Variants in NAV1 observed in about 807,000 individuals in gnomAD.
NAV1 encodes neuron navigator 1, also known as pore membrane and/or filament interacting like protein 3.
In NAV1, 18 loss-of-function variants were observed where a neutral mutation model predicts 175.2. That is an observed-to-expected ratio of 0.10 (90% CI 0.07 to 0.15). NAV1 has a LOEUF of 0.15. Ranked by LOEUF, NAV1 falls within the 10% of genes least tolerant of loss-of-function variation. The pLI, the probability that NAV1 is intolerant of heterozygous loss-of-function variation, is 1.00. For synonymous variants in NAV1, 897 were observed against 978.7 expected, an observed-to-expected ratio of 0.92 and a Z score of 1.56; for missense variants, 1,731 against 2,436.6, an observed-to-expected ratio of 0.71 and a Z score of 6.10.
chr1:201,698,558 C>T (rs1671283730), intron 1 of NAV1, among the ~76,000 whole-genome samples: 1 of 152,226 alleles, frequency 6.6e-6, no homozygotes. Context: ...ACGTGGGATT[C>T]ACATCCTACA....
At chr1:201,814,758 AGCCGGGTGCGGTG>A (rs1558196304) in intron 28 of NAV1, among the ~76,000 whole-genome samples, 2 of 152,012 alleles carry the variant, frequency 1.3e-5, no homozygotes, top group Non-Finnish European at 2.9e-5. Context: ...ACAAAAAAAA[AGCCGGGTGCGGTG>A]GCTCACGCCT....
At chr1:201,664,911 C>T (rs900102236) in intron 1 of NAV1, among the ~76,000 whole-genome samples, 2 of 152,166 alleles carry the variant, frequency 1.3e-5, no homozygotes, top group Non-Finnish European at 2.9e-5. Context: ...CTTTCTGTGT[C>T]CTTGGGCCCA....
At chr1:201,678,790 CTCTG>C (rs1186254168) in intron 1 of NAV1, among the ~76,000 whole-genome samples, 3 of 152,194 alleles carry the variant, frequency 2.0e-5, no homozygotes, top group African/African-American at 7.2e-5. Context: ...ACACACCTCC[CTCTG>C]TCTGTCCCCC....
rs114869088 is a variant in NAV1, at chr1:201,698,060, C to T, written c.758-14757C>T. 5.1e-3 allele frequency among the ~76,000 whole-genome samples: 782 copies of T among 152,346 alleles called. 9 individuals carry two copies. The highest frequency in any genetic ancestry group is 0.017 in the African/African-American group (717 of 41,588). ...GGATTTGACAAAGACTCTCTAGCTC[C>T]GTGTCCTGTGGCCTCTCGTCGTCTG... On this transcript the variant is annotated intron_variant, in intron 1 of 29. Coordinates refer to ENST00000367296, the Ensembl canonical transcript of NAV1.
chr1:201,771,284 G>A (rs1675567220), intron 3 of NAV1, among the ~76,000 whole-genome samples: 2 of 149,718 alleles, frequency 1.3e-5, no homozygotes, highest in African/African-American at 5.0e-5. Flanking sequence ...GCTGAAGCAG[G>A]CAGGTCACCT....
intron 1 of NAV1, among the ~76,000 whole-genome samples, chr1:201,672,507 TATAATA>T (rs386638507): frequency 3.3e-5 from 5 of 152,226 alleles, no homozygotes; most frequent in African/African-American, 1.2e-4. Flanking sequence ...GTGCTTTATG[TATAATA>T]GTTCAGTGAA....
intron 1 of NAV1, among the ~76,000 whole-genome samples, chr1:201,712,448 A>T (rs1318822479): frequency 6.6e-6 from 1 of 152,206 alleles, no homozygotes; most frequent in Admixed American, 6.5e-5. Context: ...GGTTTCAGGC[A>T]GATGTTCCAG....
At chr1:201,570,509 G>C (rs1666501828) in intron 1 of NAV1, among the ~76,000 whole-genome samples, 1 of 152,254 alleles carries the variant, frequency 6.6e-6, no homozygotes, top group Non-Finnish European at 1.5e-5. Flanking sequence ...CGAGAATAGA[G>C]GATAATAGGT....
Position 201,782,613 on chromosome 1 carries a change from A to G in NAV1, c.2101A>G (p.Ser701Gly). The G allele has an allele frequency of 6.2e-7, 1 of 1,614,028 alleles. No individual in the cohort carries two copies. The highest frequency in any genetic ancestry group is 8.5e-7 in the Non-Finnish European group (1 of 1,179,974). Reference sequence around the variant, plus strand: ...CCCTGTGAGCAGCAGCATTGACCCCAGTCTCCTCAGCACCAAGCAGGGAGG... The same window carrying G: ...CCCTGTGAGCAGCAGCATTGACCCCGGTCTCCTCAGCACCAAGCAGGGAGG... The change falls in exon 6 of 30, where the codon AGT becomes GGT. Residue 701 changes from serine (S) to glycine (G), a missense_variant. Transcript: ENST00000367296. This position sits in a 1 kb window ranked among gnomAD's most constrained non-coding sequence, Gnocchi z 5.4.
chr1:201,567,774 C>G (rs934526179), intron 1 of NAV1, among the ~76,000 whole-genome samples: 1 of 152,152 alleles, frequency 6.6e-6, no homozygotes, highest in Non-Finnish European at 1.5e-5. Context: ...GGCTTTCTCC[C>G]AAGCCATAGG....
At chr1:201,671,217 G>T (rs530822968) in intron 1 of NAV1, among the ~76,000 whole-genome samples, 1 of 152,192 alleles carries the variant, frequency 6.6e-6, no homozygotes, top group East Asian at 1.9e-4. Flanking sequence ...CTTCCGCGAG[G>T]GTATTATCTT....
chr1:201,597,376 C>A lies in NAV1; in HGVS notation c.-33+8727C>A, dbSNP rs553874890. Among the ~76,000 whole-genome samples the A allele has an allele frequency of 9.8e-5, 15 of 152,366 alleles. No homozygotes were observed. In the South Asian group the frequency reaches 2.9e-3, roughly 29 times the overall value. ...CACATTGGCCTTGGCCAAATACCCC[C>A]CTACACTCTCCTTCTTCCCCTCCGG... On this transcript the variant is annotated intron_variant, in intron 2 of 33. Transcript: ENST00000685211.
intron 1 of NAV1, among the ~76,000 whole-genome samples, chr1:201,696,293 G>C (rs1479512878): frequency 6.6e-6 from 1 of 152,216 alleles, no homozygotes; most frequent in African/African-American, 2.4e-5. Flanking sequence ...TTGGAATCGG[G>C]CGGAAGAGGA....
chr1:201,654,672 T>C (rs1669332559), intron 1 of NAV1, among the ~76,000 whole-genome samples: 1 of 151,954 alleles, frequency 6.6e-6, no homozygotes, highest in South Asian at 2.1e-4. Context: ...GATAGCCAAG[T>C]CCCTTTCTCT....
At chr1:201,768,641 T>TAAAAAAAA (rs71281169) in intron 3 of NAV1, among the ~76,000 whole-genome samples, 1 of 114,176 alleles carries the variant, frequency 8.8e-6, no homozygotes. Context: ...TTGTCTCAAT[T>TAAAAAAAA]AAAAAAAAAA....
chr1:201,815,187 G>C (rs1335324102), intron 28 of NAV1, among the ~76,000 whole-genome samples: 4 of 152,066 alleles, frequency 2.6e-5, no homozygotes, highest in Non-Finnish European at 5.9e-5. Flanking sequence ...GTAGATGAAT[G>C]GATAAAGAAA....
At chr1:201,711,248 C>T (rs960779755) in intron 1 of NAV1, among the ~76,000 whole-genome samples, 3 of 152,226 alleles carry the variant, frequency 2.0e-5, no homozygotes, top group Non-Finnish European at 2.9e-5. Flanking sequence ...TGGTGCTGAC[C>T]ATGAGAGGAT....
At chr1:201,548,087 C>G (rs1048205941) in intron 1 of NAV1, among the ~76,000 whole-genome samples, 2 of 152,256 alleles carry the variant, frequency 1.3e-5, no homozygotes, top group Non-Finnish European at 2.9e-5. Flanking sequence ...CCACTGTGCC[C>G]AGCCCACTAG....
Position 201,788,906 on chromosome 1 carries a change from C to T in NAV1, c.3166+268C>T, listed in dbSNP as rs948152331. ...AATTGAGCATGGAAGGGTTAAATGG[C>T]ATCCCTCAGGATGCTCTGAAAACCA... On this transcript the variant is annotated intron_variant, in intron 10 of 29. Coordinates refer to ENST00000367296, the Ensembl canonical transcript of NAV1. The surrounding 1 kb of genome is among the most constrained non-coding windows in gnomAD (Gnocchi z 5.7). 6.6e-6 allele frequency among the ~76,000 whole-genome samples: 1 copy of T among 152,202 alleles called. No homozygotes were observed. Among genetic ancestry groups the T allele is most frequent in the African/African-American group, 2.4e-5 (1 of 41,452 alleles).
Sources: allele counts gnomAD v4.1 joint callset (sites outside exome capture counted in the v4.1 genomes callset), GRCh38; gene constraint gnomAD v4.1.1; non-coding constraint Gnocchi (gnomAD v3.1); transcripts MANE v1.5; gene names NCBI Gene and HGNC (gene_info 2026-07-23, HGNC 2026-07-21).